TXNDC16: variants seen among roughly 807,000 people sequenced by gnomAD.
The protein encoded by TXNDC16 is thioredoxin domain-containing protein 16.
TXNDC16 carries 74 observed loss-of-function variants against 85.6 expected under a neutral mutation model. The observed-to-expected ratio is 0.86, with a 90% CI of 0.72 to 1.05. TXNDC16 has a LOEUF of 1.05. Among genes scored for constraint, TXNDC16 ranks in the 50% least tolerant of loss-of-function variants. TXNDC16 has a pLI of 0.00. For synonymous variants in TXNDC16, 335 were observed against 326.5 expected, an observed-to-expected ratio of 1.03 and a Z score of -0.28; for missense variants, 959 against 947.0, an observed-to-expected ratio of 1.01 and a Z score of -0.17.
At chr14:52,521,945 T>C (rs1486708822) in intron 6 of TXNDC16, among the ~76,000 whole-genome samples, 1 of 152,202 alleles carries the variant, frequency 6.6e-6, no homozygotes, top group Non-Finnish European at 1.5e-5. Context: ...TTTTCTAAAT[T>C]ATATTACTGA....
chr14:52,489,887 C>T (rs917607864), intron 11 of TXNDC16, among the ~76,000 whole-genome samples: 19 of 152,164 alleles, frequency 1.2e-4, no homozygotes, highest in African/African-American at 4.1e-4. Flanking sequence ...CCAGGGTGGA[C>T]GTGCAGTGGC....
At chr14:52,552,127 G>T (rs1262086665) in intron 1 of TXNDC16, among the ~76,000 whole-genome samples, 189 bp downstream of exon 1, 1 of 152,212 alleles carries the variant, frequency 6.6e-6, no homozygotes, top group Non-Finnish European at 1.5e-5. Flanking sequence ...CGCCGTTCAT[G>T]CAGCGAAAAG....
In TXNDC16 at chr14:52,432,567, AT is replaced by A; in HGVS notation, c.2214del (p.Glu738AspfsTer12). The A allele has an allele frequency of 1.2e-6, 2 of 1,607,080 alleles. No individual in the cohort carries two copies. Among genetic ancestry groups the A allele is most frequent in the Non-Finnish European group, 1.7e-6 (2 of 1,177,296 alleles). ...ENHITILPAQEWKPPLPAYDF... is the reference protein window; with the variant it reads ...ENHITILPAQXWKPPLPAYDF... ...TCATAAGCTGGAAGAGGAGGTTTCCATTCTTGAGCAGGTAAAATTGCTGGAA... is the reference window on the plus strand; with the variant it reads ...TCATAAGCTGGAAGAGGAGGTTTCCATCTTGAGCAGGTAAAATTGCTGGAA... On this transcript the variant is annotated frameshift_variant, in exon 21 of 21. Coordinates refer to ENST00000281741, the MANE Select transcript of TXNDC16 (RefSeq NM_020784.3). LOFTEE classifies it low-confidence loss of function (END_TRUNC).
intron 14 of TXNDC16, among the ~76,000 whole-genome samples, chr14:52,473,018 G>A (rs1291540911): frequency 6.6e-6 from 1 of 152,150 alleles, no homozygotes; most frequent in Non-Finnish European, 1.5e-5. Flanking sequence ...AGAAGATTAA[G>A]GTGGGGCGAC....
At chr14:52,537,475 T>G in intron 5 of TXNDC16, 124 bp downstream of exon 5, 1 of 701,748 alleles carries the variant, frequency 1.4e-6, no homozygotes, top group Non-Finnish European at 2.4e-6. Flanking sequence ...CTTGGACTTT[T>G]GGTTAAGCTT....
intron 6 of TXNDC16, among the ~76,000 whole-genome samples, chr14:52,525,987 AT>A (rs576834268): frequency 7.9e-5 from 12 of 151,872 alleles, no homozygotes; most frequent in South Asian, 6.2e-4. Flanking sequence ...TATATTTAAA[AT>A]TTTTTTTACT....
chr14:52,518,174 T>G (rs1461717083), intron 7 of TXNDC16, among the ~76,000 whole-genome samples: 2 of 152,208 alleles, frequency 1.3e-5, no homozygotes, highest in South Asian at 4.1e-4. Flanking sequence ...TGTTGAAGTA[T>G]CTAATAGGTT....
chr14:52,503,890 G>A (rs1212060003), intron 9 of TXNDC16, among the ~76,000 whole-genome samples: 1 of 152,212 alleles, frequency 6.6e-6, no homozygotes, highest in Admixed American at 6.5e-5. Flanking sequence ...AGGACTTGAT[G>A]GAGCTGAAAA....
intron 6 of TXNDC16, among the ~76,000 whole-genome samples, chr14:52,529,886 A>AATTATATATTATAT (rs546376518): frequency 1.2e-4 from 12 of 103,530 alleles, no homozygotes; most frequent in African/African-American, 3.6e-4. Context: ...TATATATATG[A>AATTATATATTATAT]ATTATATATT....
At chr14:52,477,661 C>T (rs540163041) in intron 14 of TXNDC16, among the ~76,000 whole-genome samples, 50 of 152,130 alleles carry the variant, frequency 3.3e-4, no homozygotes, top group Non-Finnish European at 4.7e-4. Flanking sequence ...AACATTGGAG[C>T]GCCTAAATTT....
chr14:52,512,366 G>A (rs2036975822), intron 8 of TXNDC16, among the ~76,000 whole-genome samples: 1 of 152,146 alleles, frequency 6.6e-6, no homozygotes, highest in African/African-American at 2.4e-5. Flanking sequence ...TTCAAATTAG[G>A]AAGGAGAAGG....
At chr14:52,463,401 C>T (rs752707350) in intron 16 of TXNDC16, among the ~76,000 whole-genome samples, 7 of 152,140 alleles carry the variant, frequency 4.6e-5, no homozygotes, top group African/African-American at 7.2e-5. Flanking sequence ...TTTCTGACAC[C>T]ATCTGTTAAA....
At chr14:52,540,382 T>C (rs959391948) in intron 4 of TXNDC16, among the ~76,000 whole-genome samples, 1 of 152,162 alleles carries the variant, frequency 6.6e-6, no homozygotes, top group South Asian at 2.1e-4. Context: ...CCCAGCACTT[T>C]GGGAGGCTGA....
chr14:52,456,781 T>C (rs1297530223), intron 17 of TXNDC16, among the ~76,000 whole-genome samples: 2 of 152,140 alleles, frequency 1.3e-5, no homozygotes, highest in African/African-American at 4.8e-5. Context: ...AAGAAAAATT[T>C]ATCCCAAACT....
chr14:52,511,505 G>T, intron 8 of TXNDC16, 115 bp from the exon 9 acceptor site: 1 of 599,822 alleles, frequency 1.7e-6, no homozygotes. Context: ...TTATTATTTT[G>T]GTAAAAGCCT....
intron 6 of TXNDC16, among the ~76,000 whole-genome samples, chr14:52,526,012 AT>A (rs575564446): frequency 8.9e-4 from 135 of 152,156 alleles, no homozygotes; most frequent in African/African-American, 3.1e-3. Context: ...GTATTGTTAT[AT>A]TTGATTGCCT....
intron 9 of TXNDC16, among the ~76,000 whole-genome samples, chr14:52,498,357 A>G (rs2036579786): frequency 6.6e-6 from 1 of 151,954 alleles, no homozygotes; most frequent in Non-Finnish European, 1.5e-5. Context: ...AAGTAAAATT[A>G]TCTCTGTTCA....
intron 6 of TXNDC16, among the ~76,000 whole-genome samples, chr14:52,522,951 A>G (rs1325127078): frequency 6.6e-6 from 1 of 152,204 alleles, no homozygotes; most frequent in Non-Finnish European, 1.5e-5. Context: ...TAATGTCCCA[A>G]AGCTCATTAA....
intron 4 of TXNDC16, among the ~76,000 whole-genome samples, 166 bp downstream of exon 4, chr14:52,542,205 A>G (rs528264338): frequency 6.6e-6 from 1 of 152,326 alleles, no homozygotes; most frequent in East Asian, 1.9e-4. Flanking sequence ...ATGTTATGCA[A>G]TAACCTGAAA....
Sources: gnomAD v4.1 joint callset for allele counts (sites outside exome capture counted in the v4.1 genomes callset) on GRCh38, gnomAD v4.1.1 for gene constraint, MANE v1.5 for transcripts, NCBI Gene and HGNC (gene_info 2026-07-23, HGNC 2026-07-21) for gene names.